Variants in ZNF516 observed in about 807,000 individuals in gnomAD.
ZNF516 encodes the protein zinc finger protein 516.
A neutral mutation model predicts 79.7 loss-of-function variants in ZNF516; 19 were observed. That is an observed-to-expected ratio of 0.24 (90% CI 0.17 to 0.35). ZNF516 has a LOEUF of 0.35. ZNF516 is among the 10% of genes least tolerant of loss of function. The pLI, the probability that ZNF516 is intolerant of heterozygous loss-of-function variation, is 1.00. For missense variants in ZNF516, 1,678 were observed against 1,679.5 expected (o/e 1.00, Z 0.02); for synonymous variants, 877 against 739.5 (o/e 1.19, Z -3.02).
At chr18:76,452,506 T>C (rs1400997930) in intron 2 of ZNF516, among the ~76,000 whole-genome samples, 2 of 152,232 alleles carry the variant, frequency 1.3e-5, no homozygotes, top group African/African-American at 2.4e-5. Context: ...GACCACGGGC[T>C]GGAGTCATCA....
Position 76,493,011 on chromosome 18 carries a change from T to C in ZNF516, c.-272+2133A>G, listed in dbSNP as rs1235833297. 2.0e-6 allele frequency: 2 copies of C among 984,716 alleles called. No homozygotes were observed. Among genetic ancestry groups the C allele is most frequent in the Non-Finnish European group, 2.4e-6 (2 of 829,886 alleles). 61.0% of individuals were successfully genotyped at this position (984,716 alleles called of 1,614,324 possible). A position where few individuals can be genotyped will look rare whatever the true frequency, so the allele number is the denominator to read the frequency against. On this transcript the variant is annotated intron_variant, in intron 1 of 6. Transcript: ENST00000443185. The surrounding 1 kb of genome is among the most constrained non-coding windows in gnomAD (Gnocchi z 5.2). ...GCTCACACACACACCCCAAATTACCTCCGGGATGGAGAAAGCCGCTGCGGA... is the reference window on the plus strand; with the variant it reads ...GCTCACACACACACCCCAAATTACCCCCGGGATGGAGAAAGCCGCTGCGGA...
chr18:76,367,439 TG>T (rs2074631235), intron 6 of ZNF516, among the ~76,000 whole-genome samples: 1 of 152,190 alleles, frequency 6.6e-6, no homozygotes, highest in African/African-American at 2.4e-5. Flanking sequence ...CTATCCCCTG[TG>T]GGAAGAAATT....
intron 2 of ZNF516, among the ~76,000 whole-genome samples, chr18:76,457,036 G>C (rs1022538465): frequency 1.2e-4 from 19 of 152,250 alleles, no homozygotes; most frequent in Middle Eastern, 3.2e-3. Flanking sequence ...TTTGTCATCA[G>C]GCTAAATTAA....
intron 2 of ZNF516, among the ~76,000 whole-genome samples, chr18:76,444,433 G>A (rs548599312): frequency 2.6e-5 from 4 of 152,340 alleles, no homozygotes; most frequent in South Asian, 2.1e-4. Context: ...GAAAGGAAGC[G>A]TGTTTGTATA....
At chr18:76,383,990 C>CG (rs1432526357) in intron 3 of ZNF516, among the ~76,000 whole-genome samples, 1 of 152,214 alleles carries the variant, frequency 6.6e-6, no homozygotes, top group Non-Finnish European at 1.5e-5. Context: ...GCCAAGGTTT[C>CG]GTTACAGCCA....
intron 3 of ZNF516, among the ~76,000 whole-genome samples, chr18:76,429,234 G>A (rs2554835): frequency 0.36 from 55,281 of 152,124 alleles, 10,552 homozygotes; most frequent in South Asian, 0.44. Flanking sequence ...CCAAGGGCCT[G>A]AGGGTCCCAG....
rs944292317 is a variant in ZNF516, at chr18:76,400,950, C to T, written c.1811-20647G>A. On this transcript the variant is annotated intron_variant, in intron 3 of 6. Transcript: ENST00000443185. ...ACAAAAGGGTTGTAATTATAGTGTC[C>T]ATTAAAATGATGTAAACACAATATA... Among the ~76,000 whole-genome samples the T allele has an allele frequency of 5.9e-5, 9 of 152,136 alleles. No homozygotes were observed. In the South Asian group the frequency reaches 8.3e-4, roughly 14 times the overall value.
chr18:76,423,661 G>C (rs1346665519), intron 3 of ZNF516, among the ~76,000 whole-genome samples: 1 of 120,094 alleles, frequency 8.3e-6, no homozygotes. Context: ...AGGTGAAAAG[G>C]CTCCCTCCTG....
chr18:76,412,068 C>T (rs149069936), intron 3 of ZNF516, among the ~76,000 whole-genome samples: 4 of 152,294 alleles, frequency 2.6e-5, no homozygotes, highest in East Asian at 1.9e-4. Flanking sequence ...TTAATGACCT[C>T]GGCAAAATGC....
intron 4 of ZNF516, among the ~76,000 whole-genome samples, chr18:76,375,307 G>A (rs1001447073): frequency 1.3e-5 from 2 of 152,208 alleles, no homozygotes; most frequent in Non-Finnish European, 2.9e-5. Context: ...ACACCAGGTA[G>A]AGAGTGGACA....
chr18:76,375,720 CAA>C (rs1034837367), intron 4 of ZNF516, among the ~76,000 whole-genome samples: 2 of 148,990 alleles, frequency 1.3e-5, no homozygotes, highest in African/African-American at 5.0e-5. Context: ...TGGGAAGGGC[CAA>C]GAGACCAGGT....
intron 1 of ZNF516, among the ~76,000 whole-genome samples, chr18:76,491,875 C>G (rs1022963165): frequency 6.6e-6 from 1 of 152,114 alleles, no homozygotes; most frequent in Non-Finnish European, 1.5e-5. Context: ...GTTCCGCCGG[C>G]TCCTGAGATT....
intron 3 of ZNF516, among the ~76,000 whole-genome samples, chr18:76,435,514 G>C (rs2075720577): frequency 6.6e-6 from 1 of 152,244 alleles, no homozygotes; most frequent in Non-Finnish European, 1.5e-5. Flanking sequence ...GTGTTCATGT[G>C]TGCGGGAGCG....
chr18:76,384,522 C>T (rs1169539558), intron 3 of ZNF516, among the ~76,000 whole-genome samples: 2 of 143,266 alleles, frequency 1.4e-5, no homozygotes, highest in Non-Finnish European at 3.1e-5. Flanking sequence ...TTCTCACGCC[C>T]CCTCCACGAA....
chr18:76,418,209 GCTATAACACA>G (rs1358640368), intron 3 of ZNF516, among the ~76,000 whole-genome samples: 16 of 151,010 alleles, frequency 1.1e-4, no homozygotes, highest in African/African-American at 3.9e-4. Flanking sequence ...TGTAACACAC[GCTATAACACA>G]CTGTAACACA....
rs1263034712 is a variant in ZNF516 at position 76,378,975 on chromosome 18, C to T, written c.3139G>A (p.Val1047Met). 1 of 1,613,652 alleles carries T rather than the reference C, an allele frequency of 6.2e-7. No homozygotes were observed. The highest frequency in any genetic ancestry group is 1.7e-5 in the Admixed American group (1 of 60,034). The change falls in exon 4 of 7, where the codon GTG becomes ATG. Residue 1047 changes from valine to methionine, a missense_variant. Val to Met is a conservative substitution (Grantham distance 21). Around this residue, in one of 5 missense-constraint regions of ZNF516, gnomAD observed 1,294 missense variants for 1,248.3 expected, o/e 1.04. Coordinates refer to ENST00000443185, the MANE Select transcript of ZNF516 (RefSeq NM_014643.4). ...PVLHSIKQEP[V>M]AEGHEKRLDI... ...AGGCGCTTCTCATGCCCCTCGGCCA[C>T]CGGCTCCTGTTTGATGGAGTGTAGG...
At chr18:76,448,690 G>A (rs1332814758) in intron 2 of ZNF516, among the ~76,000 whole-genome samples, 2 of 152,136 alleles carry the variant, frequency 1.3e-5, no homozygotes, top group Non-Finnish European at 2.9e-5. Context: ...CAGTCCTAGG[G>A]CGGTGCGGTC....
Position 76,380,059 on chromosome 18 carries a change from G to A in ZNF516, c.2055C>T (p.Pro685=), listed in dbSNP as rs190177130. The A allele has an allele frequency of 2.6e-5, 42 of 1,613,912 alleles. No homozygotes were observed. Among genetic ancestry groups the A allele is most frequent in the East Asian group, 1.8e-4 (8 of 44,880 alleles). ...MPAFHPKQEV[P]VPGDGVEFPS... is the part of the protein sequence containing the mutation. ...GGAACTCCACACCATCACCAGGGAC[G>A]GGCACCTCCTGCTTGGGGTGAAATG... is the stretch of plus-strand genomic sequence containing the variant. Residue 685 remains proline, a synonymous_variant, in exon 4 of 7, where the codon CCC becomes CCT. Transcript: ENST00000443185.
At chr18:76,464,964 T>A (rs1311051881) in intron 1 of ZNF516, among the ~76,000 whole-genome samples, 2 of 152,182 alleles carry the variant, frequency 1.3e-5, no homozygotes, top group Non-Finnish European at 2.9e-5. Flanking sequence ...ACCCCAGGGA[T>A]ACAGCCGTGC....
Sources: gnomAD v4.1 joint callset for allele counts (sites outside exome capture counted in the v4.1 genomes callset) on GRCh38, gnomAD v4.1.1 for gene constraint, gnomAD v4.1.1 regional missense constraint, Gnocchi (gnomAD v3.1) non-coding constraint, MANE v1.5 for transcripts, NCBI Gene and HGNC (gene_info 2026-07-23, HGNC 2026-07-21) for gene names.